The following MDGA2 variants were observed in gnomAD, a reference collection of about 807,000 sequenced individuals.
MDGA2 encodes MAM domain containing glycosylphosphatidylinositol anchor 2, also known as MAM domain-containing glycosylphosphatidylinositol anchor protein 2.
A neutral mutation model predicts 117.8 loss-of-function variants in MDGA2; 40 were observed. The observed-to-expected ratio is 0.34, with a 90% CI of 0.26 to 0.44. The LOEUF (loss-of-function observed/expected upper bound fraction) is 0.44. Ranked by LOEUF, MDGA2 falls within the 20% of genes least tolerant of loss-of-function variation. The pLI is 1.00. For synonymous variants in MDGA2, 452 were observed against 439.0 expected (o/e 1.03, Z -0.37); for missense variants, 1,123 against 1,250.6 (o/e 0.90, Z 1.54).
intron 8 of MDGA2, among the ~76,000 whole-genome samples, chr14:46,966,083 T>TGAC (rs1886019919): frequency 6.6e-6 from 1 of 151,240 alleles, no homozygotes; most frequent in African/African-American, 2.5e-5. Context: ...TACTGAAGGA[T>TGAC]GATTATAAAA....
At chr14:47,227,073 C>G (rs2139555880) in intron 2 of MDGA2, among the ~76,000 whole-genome samples, 1 of 152,234 alleles carries the variant, frequency 6.6e-6, no homozygotes, top group East Asian at 1.9e-4. Context: ...TGTGAGAGTT[C>G]TTATCACATG....
chr14:47,323,162 A>G (rs1405388006), intron 1 of MDGA2, among the ~76,000 whole-genome samples: 6 of 29,824 alleles, frequency 2.0e-4, no homozygotes, highest in African/African-American at 5.6e-4. Flanking sequence ...ATATATATAT[A>G]TATATATATA....
chr14:47,208,809 A>C (rs1483823247), intron 3 of MDGA2, among the ~76,000 whole-genome samples: 1 of 151,956 alleles, frequency 6.6e-6, no homozygotes, highest in Non-Finnish European at 1.5e-5. Context: ...TTTATAAATA[A>C]TTTTTAGATG....
chr14:47,612,583 A>C (rs1309373169), intron 1 of MDGA2, among the ~76,000 whole-genome samples: 1 of 152,170 alleles, frequency 6.6e-6, no homozygotes, highest in Non-Finnish European at 1.5e-5. Context: ...CAACTTCTCA[A>C]ACAGCATTTA....
chr14:47,644,528 A>G (rs142972165), intron 1 of MDGA2, among the ~76,000 whole-genome samples: 25 of 152,182 alleles, frequency 1.6e-4, no homozygotes, highest in African/African-American at 5.5e-4. Context: ...ACACAGCAGA[A>G]GAGAAGTTAC....
intron 1 of MDGA2, among the ~76,000 whole-genome samples, chr14:47,666,634 A>C (rs2735957): frequency 6.6e-6 from 1 of 152,284 alleles, no homozygotes; most frequent in African/African-American, 2.4e-5. Context: ...TAAAATGGAC[A>C]AATCAGCAGG....
intron 2 of MDGA2, among the ~76,000 whole-genome samples, chr14:47,251,977 G>A (rs948040444): frequency 6.6e-6 from 1 of 151,802 alleles, no homozygotes; most frequent in Non-Finnish European, 1.5e-5. Flanking sequence ...TGCAGGAAAG[G>A]TGCTACTGGA....
chr14:47,344,568 T>C (rs2138333102), intron 1 of MDGA2, among the ~76,000 whole-genome samples: 1 of 152,220 alleles, frequency 6.6e-6, no homozygotes, highest in African/African-American at 2.4e-5. Flanking sequence ...ATATAACAAA[T>C]CTCTGTTGTT....
chr14:47,071,308 T>C (rs576682215), intron 6 of MDGA2, among the ~76,000 whole-genome samples: 24 of 152,292 alleles, frequency 1.6e-4, no homozygotes, highest in Non-Finnish European at 3.1e-4. Flanking sequence ...TTTAATGCCC[T>C]GCAGGTATAG....
At chr14:47,432,731 T>C (rs1374223276) in intron 1 of MDGA2, among the ~76,000 whole-genome samples, 1 of 152,168 alleles carries the variant, frequency 6.6e-6, no homozygotes, top group Non-Finnish European at 1.5e-5. Context: ...ATATTACTAA[T>C]TTGTACAATA....
At chr14:47,451,096 C>G (rs1008299722) in intron 1 of MDGA2, among the ~76,000 whole-genome samples, 1 of 152,114 alleles carries the variant, frequency 6.6e-6, no homozygotes, top group African/African-American at 2.4e-5. Flanking sequence ...CTACAACCCT[C>G]TGACTCCTCC....
intron 5 of MDGA2, among the ~76,000 whole-genome samples, chr14:47,125,591 A>C (rs949418439): frequency 1.3e-5 from 2 of 152,046 alleles, no homozygotes; most frequent in Non-Finnish European, 2.9e-5. Flanking sequence ...AGTAGAAGAG[A>C]AAGGAAAAAA....
chr14:47,532,805 T>G (rs1259782186), intron 1 of MDGA2, among the ~76,000 whole-genome samples: 1 of 152,236 alleles, frequency 6.6e-6, no homozygotes, highest in African/African-American at 2.4e-5. Flanking sequence ...AAAATCCAGA[T>G]GTAGTACAGA....
intron 1 of MDGA2, among the ~76,000 whole-genome samples, chr14:47,359,567 T>C (rs1441143063): frequency 2.0e-5 from 3 of 151,890 alleles, no homozygotes; most frequent in Admixed American, 2.0e-4. Context: ...CCAGTGCTGT[T>C]GGGAAAACTG....
At chr14:47,626,202 T>A (rs1357042409) in intron 1 of MDGA2, 1 of 151,562 alleles carries the variant, frequency 6.6e-6, no homozygotes. Context: ...GATAGGTTTT[T>A]GTTTTGATTT....
At chr14:47,268,120 T>C (rs1202028672) in intron 2 of MDGA2, among the ~76,000 whole-genome samples, 1 of 151,838 alleles carries the variant, frequency 6.6e-6, no homozygotes, top group Non-Finnish European at 1.5e-5. Context: ...TTGCCCAGGC[T>C]GGAGTGCAAT....
At chr14:47,173,179 T>A (rs1057125444) in intron 3 of MDGA2, among the ~76,000 whole-genome samples, 1 of 152,228 alleles carries the variant, frequency 6.6e-6, no homozygotes, top group South Asian at 2.1e-4. Context: ...CTGATTGGTG[T>A]ACGTGAAAGT....
chr14:46,937,295 TA>T (rs3038618), intron 9 of MDGA2, among the ~76,000 whole-genome samples: 1 of 148,324 alleles, frequency 6.7e-6, no homozygotes, highest in African/African-American at 2.5e-5. Context: ...AAATACTGGT[TA>T]AAAAAAATTG....
At chr14:47,367,038 A>G (rs997858592) in intron 1 of MDGA2, among the ~76,000 whole-genome samples, 1 of 152,124 alleles carries the variant, frequency 6.6e-6, no homozygotes, top group East Asian at 1.9e-4. Context: ...TCTGTCATCA[A>G]GTAAAAGACT....
Sources: allele counts gnomAD v4.1 joint callset (sites outside exome capture counted in the v4.1 genomes callset), GRCh38; gene constraint gnomAD v4.1.1; transcripts MANE v1.5; gene names NCBI Gene and HGNC (gene_info 2026-07-23, HGNC 2026-07-21).